RARB: variants seen among roughly 807,000 people sequenced by gnomAD.
The protein encoded by RARB is retinoic acid receptor beta, also known as HBV-activated protein.
Under a neutral mutation model 51.9 loss-of-function variants are expected in RARB, and 17 were observed. The observed-to-expected ratio is 0.33, with a 90% CI of 0.22 to 0.49. The LOEUF (loss-of-function observed/expected upper bound fraction) is 0.49. Ranked by LOEUF, RARB falls within the 20% of genes least tolerant of loss-of-function variation. The pLI is 0.99. For missense variants in RARB, 369 were observed against 550.8 expected (o/e 0.67, Z 3.30); for synonymous variants, 215 against 195.4 (o/e 1.10, Z -0.84).
At chr3:25,097,383 G>T (rs1575158910) in intron 3 of RARB, among the ~76,000 whole-genome samples, 1 of 152,164 alleles carries the variant, frequency 6.6e-6, no homozygotes, top group Admixed American at 6.5e-5. Context: ...ACATTGAGGG[G>T]GTTACTTGAA....
chr3:24,834,240 G>A (rs1194281861), intron 1 of RARB, among the ~76,000 whole-genome samples: 3 of 152,184 alleles, frequency 2.0e-5, no homozygotes, highest in South Asian at 4.1e-4. Context: ...TTGGAACACA[G>A]TACTATGTTT....
intron 5 of RARB, among the ~76,000 whole-genome samples, chr3:25,325,956 G>A (rs905459766): frequency 3.9e-5 from 6 of 152,194 alleles, no homozygotes; most frequent in African/African-American, 9.7e-5. Flanking sequence ...TTGAGACCAT[G>A]CAAGAGAAAC....
chr3:25,382,064 A>C (rs1396515023), intron 5 of RARB, among the ~76,000 whole-genome samples: 1 of 152,222 alleles, frequency 6.6e-6, no homozygotes, highest in Non-Finnish European at 1.5e-5. Context: ...GAGGAACATT[A>C]GCATCATATC....
chr3:25,137,229 T>G (rs1700042936), intron 4 of RARB, among the ~76,000 whole-genome samples: 1 of 152,090 alleles, frequency 6.6e-6, no homozygotes, highest in Non-Finnish European at 1.5e-5. Flanking sequence ...GAAAAAAACT[T>G]TAAGAACTTA....
intron 3 of RARB, among the ~76,000 whole-genome samples, chr3:25,117,604 A>G (rs538435283): frequency 7.2e-5 from 11 of 152,262 alleles, no homozygotes; most frequent in African/African-American, 2.4e-4. Context: ...GGGAGGAAAC[A>G]GGTGAATTAT....
chr3:24,970,299 T>C (rs898036058), intron 2 of RARB, among the ~76,000 whole-genome samples: 4 of 152,040 alleles, frequency 2.6e-5, no homozygotes, highest in Non-Finnish European at 5.9e-5. Context: ...GGTGTAGGTA[T>C]AGCTGTTTGT....
intron 4 of RARB, among the ~76,000 whole-genome samples, chr3:25,167,295 A>C (rs1700576308): frequency 6.6e-6 from 1 of 152,214 alleles, no homozygotes; most frequent in Admixed American, 6.5e-5. Context: ...CCTGTTCTCA[A>C]ATCTTCACTA....
intron 3 of RARB, among the ~76,000 whole-genome samples, chr3:25,549,184 G>T (rs183226611): frequency 9.0e-4 from 137 of 152,042 alleles, no homozygotes; most frequent in African/African-American, 2.8e-3. Context: ...TCTTGGTGAG[G>T]GGCATTTAGG....
intron 5 of RARB, among the ~76,000 whole-genome samples, chr3:25,201,396 C>T (rs1395382531): frequency 2.6e-5 from 4 of 151,996 alleles, no homozygotes; most frequent in Admixed American, 1.3e-4. Flanking sequence ...TTTGACTTTC[C>T]CTTTTCCTGA....
chr3:25,069,241 C>G (rs897840900), intron 3 of RARB, among the ~76,000 whole-genome samples: 11 of 151,386 alleles, frequency 7.3e-5, no homozygotes. Flanking sequence ...TACTTGTCTG[C>G]TTTATGAAAT....
intron 5 of RARB, among the ~76,000 whole-genome samples, chr3:25,339,371 G>T (rs1705155039): frequency 6.6e-6 from 1 of 152,140 alleles, no homozygotes; most frequent in Non-Finnish European, 1.5e-5. Context: ...TTTGAACCAT[G>T]TTCAAGTAGG....
Position 25,544,876 on chromosome 3 carries a change from G to A in RARB, c.449-24882G>A, listed in dbSNP as rs192625829. 5.3e-5 allele frequency among the ~76,000 whole-genome samples: 8 copies of A among 152,330 alleles called. No homozygotes were observed. In the East Asian group the frequency reaches 1.5e-3, roughly 29 times the overall value. On this transcript the variant is annotated intron_variant, in intron 3 of 7. Coordinates refer to ENST00000330688, the MANE Select transcript of RARB (RefSeq NM_000965.5). ...TCTACAGTTGTCGTAGTTGCACTAA[G>A]TTCACTTGAGCTATTGGTTTCAAGA...
chr3:25,446,082 T>C (rs960382710), intron 1 of RARB, among the ~76,000 whole-genome samples: 2 of 152,218 alleles, frequency 1.3e-5, no homozygotes, highest in African/African-American at 2.4e-5. Flanking sequence ...GGCGGACATA[T>C]TGACCTCCCT....
At chr3:25,433,980 G>A (rs1575398884) in intron 1 of RARB, among the ~76,000 whole-genome samples, 1 of 152,368 alleles carries the variant, frequency 6.6e-6, no homozygotes, top group South Asian at 2.1e-4. Flanking sequence ...CAATGGAACT[G>A]CTGACTTGCT....
chr3:25,164,691 T>C (rs899711882), intron 4 of RARB, among the ~76,000 whole-genome samples: 2 of 152,222 alleles, frequency 1.3e-5, no homozygotes, highest in African/African-American at 4.8e-5. Context: ...CTATTATGGT[T>C]TCAATTATGT....
At chr3:25,356,319 A>T (rs529493128) in intron 5 of RARB, among the ~76,000 whole-genome samples, 2 of 152,172 alleles carry the variant, frequency 1.3e-5, no homozygotes, top group South Asian at 4.1e-4. Context: ...TATAGGAGGG[A>T]AAAAAAGGTT....
intron 2 of RARB, among the ~76,000 whole-genome samples, chr3:25,003,149 T>C (rs1172810472): frequency 6.6e-6 from 1 of 151,460 alleles, no homozygotes; most frequent in Non-Finnish European, 1.5e-5. Flanking sequence ...CTCTTTGTTT[T>C]ATAACTCTGC....
At chr3:24,846,366 A>G (rs1198547036) in intron 1 of RARB, among the ~76,000 whole-genome samples, 1 of 152,228 alleles carries the variant, frequency 6.6e-6, no homozygotes, top group Non-Finnish European at 1.5e-5. Context: ...ATTAGTTATT[A>G]CCATTCTTTA....
chr3:24,905,654 G>A (rs913057452), intron 2 of RARB, among the ~76,000 whole-genome samples: 1 of 152,194 alleles, frequency 6.6e-6, no homozygotes, highest in Non-Finnish European at 1.5e-5. Flanking sequence ...CTTCCCACCT[G>A]CTTAAAGAAG....
Sources: allele counts gnomAD v4.1 joint callset (sites outside exome capture counted in the v4.1 genomes callset), GRCh38; gene constraint gnomAD v4.1.1; transcripts MANE v1.5; gene names NCBI Gene and HGNC (gene_info 2026-07-23, HGNC 2026-07-21).